The following C2orf76 variants were observed in gnomAD, a reference collection of about 807,000 sequenced individuals.
C2orf76 encodes the protein chromosome 2 open reading frame 76.
Under a neutral mutation model 16.9 loss-of-function variants are expected in C2orf76, and 23 were observed. The observed-to-expected ratio is 1.36, with a 90% CI of 0.98 to 1.93. The LOEUF (loss-of-function observed/expected upper bound fraction) is 1.93, where lower values mean the gene tolerates loss of function less well. Among genes scored for constraint, C2orf76 ranks in the 30% most tolerant of loss-of-function variants. The probability of loss-of-function intolerance (pLI) is 0.00; values close to 1 mark genes in which losing one functional copy is unlikely to be tolerated. For missense variants in C2orf76, 152 were observed against 152.6 expected, an observed-to-expected ratio of 1.00 and a Z score of 0.02; for synonymous variants, 48 against 52.3, an observed-to-expected ratio of 0.92 and a Z score of 0.35.
intron 4 of C2orf76, among the ~76,000 whole-genome samples, chr2:119,312,597 C>T (rs1679030384): frequency 6.6e-6 from 1 of 152,074 alleles, no homozygotes; most frequent in African/African-American, 2.4e-5. Flanking sequence ...AAAAACCTTG[C>T]CCAAGCTAAA....
At chr2:119,359,171 A>G (rs1186931253) in intron 1 of C2orf76, among the ~76,000 whole-genome samples, 1 of 152,204 alleles carries the variant, frequency 6.6e-6, no homozygotes, top group Non-Finnish European at 1.5e-5. Context: ...TCTGCATGAC[A>G]GTGCATCTGT....
At chr2:119,292,950 G>A in the C2orf76 span, among the ~76,000 whole-genome samples, 86 of 152,306 alleles carry the variant, frequency 5.6e-4, no homozygotes, top group African/African-American at 1.9e-3. Flanking sequence ...CAGGAGAATC[G>A]CTTGAACTCA....
chr2:119,292,399 A>G, the C2orf76 span, among the ~76,000 whole-genome samples: 1 of 152,168 alleles, frequency 6.6e-6, no homozygotes, highest in Non-Finnish European at 1.5e-5. Flanking sequence ...CCCTCACAGG[A>G]GGCTCAGGAC....
At chr2:119,316,069 G>A (rs949397970) in intron 4 of C2orf76, among the ~76,000 whole-genome samples, 3 of 152,196 alleles carry the variant, frequency 2.0e-5, no homozygotes, top group Non-Finnish European at 4.4e-5. Context: ...CAACCTTTTT[G>A]AAGAGCGTAT....
chr2:119,301,594 C>T (rs897541125), downstream of C2orf76, among the ~76,000 whole-genome samples: 32 of 152,038 alleles, frequency 2.1e-4, no homozygotes, highest in African/African-American at 7.0e-4. Flanking sequence ...GGAGCAATGG[C>T]AGAGCTAGCT....
intron 2 of C2orf76, among the ~76,000 whole-genome samples, chr2:119,331,765 T>C (rs1186022491): frequency 6.6e-6 from 1 of 152,190 alleles, no homozygotes; most frequent in African/African-American, 2.4e-5. Context: ...TTTTTAGTTG[T>C]TTAATGTAGA....
At chr2:119,328,583 T>C (rs1679581073) in intron 2 of C2orf76, among the ~76,000 whole-genome samples, 1 of 152,162 alleles carries the variant, frequency 6.6e-6, no homozygotes, top group Non-Finnish European at 1.5e-5. Context: ...ATTTTCTCTA[T>C]GGTTTTTCTA....
chr2:119,324,145 G>GAGGTGAAGAACAGATGGCCCCA (rs1679435640), intron 2 of C2orf76, among the ~76,000 whole-genome samples: 1 of 152,070 alleles, frequency 6.6e-6, no homozygotes, highest in African/African-American at 2.4e-5. Flanking sequence ...GAAGAAAGCC[G>GAGGTGAAGAACAGATGGCCCCA]TGAGGTGAAG....
intron 1 of C2orf76, among the ~76,000 whole-genome samples, chr2:119,342,414 C>G (rs1398709210): frequency 2.0e-5 from 3 of 152,004 alleles, no homozygotes; most frequent in Admixed American, 2.0e-4. Context: ...AGTTCGAGAC[C>G]ATCCTGGCCA....
At chr2:119,363,281 G>A (rs1018985710) in intron 1 of C2orf76, among the ~76,000 whole-genome samples, 4 of 151,920 alleles carry the variant, frequency 2.6e-5, no homozygotes, top group African/African-American at 4.8e-5. Context: ...AAAATTAGCC[G>A]GGCGTGGTGG....
intron 2 of C2orf76, among the ~76,000 whole-genome samples, chr2:119,331,487 C>T (rs924085631): frequency 5.3e-5 from 8 of 152,222 alleles, no homozygotes; most frequent in Admixed American, 5.2e-4. Context: ...TGAAGACTCA[C>T]ACTCTGCATA....
chr2:119,351,043 G>A (rs1680386310), intron 1 of C2orf76, among the ~76,000 whole-genome samples: 1 of 152,228 alleles, frequency 6.6e-6, no homozygotes, highest in Non-Finnish European at 1.5e-5. Context: ...AAAGTTGGCT[G>A]TGAACACTGA....
chr2:119,288,366 T>C, the C2orf76 span, among the ~76,000 whole-genome samples: 1 of 151,662 alleles, frequency 6.6e-6, no homozygotes, highest in Non-Finnish European at 1.5e-5. Flanking sequence ...CCGTGGTCTC[T>C]ATCTCCTGAC....
At chr2:119,345,154 G>T (rs879700462) in intron 1 of C2orf76, among the ~76,000 whole-genome samples, 2 of 152,140 alleles carry the variant, frequency 1.3e-5, no homozygotes, top group Non-Finnish European at 2.9e-5. Flanking sequence ...ACTGATAGTT[G>T]TAACAACATA....
chr2:119,338,921 A>C (rs2104601683), intron 2 of C2orf76: 1 of 152,340 alleles, frequency 6.6e-6, no homozygotes, highest in South Asian at 2.1e-4. Context: ...GAAATCTTAG[A>C]GGTATCTTGA....
At chr2:119,326,826 A>ATT (rs201397355) in intron 2 of C2orf76, among the ~76,000 whole-genome samples, 1 of 150,420 alleles carries the variant, frequency 6.6e-6, no homozygotes, top group Non-Finnish European at 1.5e-5. Flanking sequence ...ATGTTTTATC[A>ATT]TTTTTTTTTC....
chr2:119,331,164 A>C (rs1232521168), intron 2 of C2orf76, among the ~76,000 whole-genome samples: 1 of 151,864 alleles, frequency 6.6e-6, no homozygotes, highest in African/African-American at 2.4e-5. Context: ...AGCTTTCTTG[A>C]GCTTTCTTCT....
At chr2:119,333,079 T>C (rs1009389148) in intron 2 of C2orf76, among the ~76,000 whole-genome samples, 1 of 152,206 alleles carries the variant, frequency 6.6e-6, no homozygotes, top group Non-Finnish European at 1.5e-5. Flanking sequence ...AATTAAAGAA[T>C]GCGCAGCACA....
At chr2:119,321,962 C>T (rs12986918) in intron 2 of C2orf76, among the ~76,000 whole-genome samples, 45,069 of 151,670 alleles carry the variant, frequency 0.3, 8,427 homozygotes, top group African/African-American at 0.53. Flanking sequence ...CTTATTACTC[C>T]ACCAAAATTC....
Sources: gnomAD v4.1 joint callset for allele counts (sites outside exome capture counted in the v4.1 genomes callset) on GRCh38, gnomAD v4.1.1 for gene constraint, MANE v1.5 for transcripts, NCBI Gene and HGNC (gene_info 2026-07-23, HGNC 2026-07-21) for gene names.